Variants in ANAPC13 observed in about 807,000 individuals in gnomAD.
ANAPC13 encodes the protein anaphase-promoting complex subunit 13.
Under a neutral mutation model 9.6 loss-of-function variants are expected in ANAPC13, and 9 were observed. That is an observed-to-expected ratio of 0.94 (90% CI 0.57 to 1.64). The LOEUF is 1.64. Among genes scored for constraint, ANAPC13 ranks in the 40% most tolerant of loss-of-function variants. ANAPC13 has a pLI of 0.00. For missense variants in ANAPC13, 75 were observed against 85.3 expected, an observed-to-expected ratio of 0.88 and a Z score of 0.48; for synonymous variants, 30 against 29.7, an observed-to-expected ratio of 1.01 and a Z score of -0.03.
chr3:134,478,491 G>T lies in ANAPC13; in HGVS notation c.*99C>A. 1 of 1,442,590 alleles carries T rather than the reference G, an allele frequency of 6.9e-7. No individual in the cohort carries two copies. The highest frequency in any genetic ancestry group is 9.4e-7 in the Non-Finnish European group (1 of 1,065,514). The allele number at this position is 1,442,590 out of a possible 1,614,324, so 89.4% of individuals were successfully genotyped here. A position where few individuals can be genotyped will look rare whatever the true frequency, so the allele number is the denominator to read the frequency against. ...ACTAAATGGGTGTACATTTTTGAGT[G>T]CTGATTTATTACTCAAAGGTTTGAA... On this transcript the variant is annotated 3_prime_UTR_variant, in exon 3 of 3. Transcript: ENST00000354910.
chr3:134,485,321 T>G (rs549169940), intron 1 of ANAPC13: 1 of 152,434 alleles, frequency 6.6e-6, no homozygotes, highest in Admixed American at 6.5e-5. Flanking sequence ...CTTACTCACG[T>G]GACAGTCCCG....
At chr3:134,479,638 C>T (rs753597409) in intron 2 of ANAPC13, among the ~76,000 whole-genome samples, 16 of 152,254 alleles carry the variant, frequency 1.1e-4, no homozygotes, top group South Asian at 4.1e-4. Context: ...CGCGAGCCAC[C>T]GCGCCTGGCC....
rs1576618534 is a variant in ANAPC13 at position 134,482,686 on chromosome 3, G to A, written c.99+120C>T. 4 of 850,974 alleles carry A rather than the reference G, an allele frequency of 4.7e-6. No individual in the cohort carries two copies. In the East Asian group the frequency reaches 7.3e-5, roughly 15 times the overall value. The allele number at this position is 850,974 out of a possible 1,614,324, so 52.7% of individuals were successfully genotyped here. A position where few individuals can be genotyped will look rare whatever the true frequency, so the allele number is the denominator to read the frequency against. Reference sequence around the variant, plus strand: ...TGCTCTCCAGAAGCTTCTAGAGTTAGAGAATTCCACAGCTTTGATTTCTTT... The same window carrying A: ...TGCTCTCCAGAAGCTTCTAGAGTTAAAGAATTCCACAGCTTTGATTTCTTT... On this transcript the variant is annotated intron_variant, in intron 2 of 2. Coordinates refer to ENST00000354910, the MANE Select transcript of ANAPC13 (RefSeq NM_015391.4).
intron 1 of ANAPC13, among the ~76,000 whole-genome samples, chr3:134,484,328 C>G (rs921676130): frequency 6.6e-6 from 1 of 151,780 alleles, no homozygotes; most frequent in Non-Finnish European, 1.5e-5. Flanking sequence ...TGCAGTGAGC[C>G]GAGATAGCGC....
chr3:134,485,920 A>G (rs1479343666), intron 1 of ANAPC13, 32 bp downstream of exon 1: 17 of 948,148 alleles, frequency 1.8e-5, no homozygotes, highest in Non-Finnish European at 2.1e-5. Context: ...CGCGCCTCCA[A>G]AACCTAGGCC....
rs914476659 is a variant in ANAPC13 at position 134,479,498 on chromosome 3, C to T, written c.100-783G>A. The stretch of plus-strand genomic sequence containing the variant: ...GATTACAGGCATGCACCACCATGCC[C>T]GGCTAATTTTGTATTTTTTTATTTT... On this transcript the variant is annotated intron_variant, in intron 2 of 2. Transcript: ENST00000354910. Among the ~76,000 whole-genome samples, 9 of 151,974 alleles carry T rather than the reference C, an allele frequency of 5.9e-5. 1 individual carries two copies. Among genetic ancestry groups the T allele is most frequent in the Admixed American group, 2.0e-4 (3 of 15,254 alleles).
intron 1 of ANAPC13, chr3:134,485,188 G>C (rs952009228): frequency 9.9e-5 from 15 of 152,230 alleles, no homozygotes; most frequent in African/African-American, 3.1e-4. Flanking sequence ...CTCATAAGGG[G>C]CTGGAAGGAT....
chr3:134,479,585 G>A (rs1693385509), intron 2 of ANAPC13, among the ~76,000 whole-genome samples: 2 of 152,124 alleles, frequency 1.3e-5, no homozygotes, highest in African/African-American at 2.4e-5. Context: ...CCAACCTCAG[G>A]TGATCCACCC....
chr3:134,482,784 C>A, intron 2 of ANAPC13, 22 bp downstream of exon 2: 1 of 1,603,138 alleles, frequency 6.2e-7, no homozygotes. Context: ...TTAACCCATC[C>A]TCAGCTCAAA....
rs868534924 is a variant in ANAPC13 at position 134,480,978 on chromosome 3, G to A, written c.99+1828C>T. Among the ~76,000 whole-genome samples, 8 of 152,272 alleles carry A rather than the reference G, an allele frequency of 5.3e-5. No homozygotes were observed. The South Asian group carries it at 8.3e-4, about 16-fold the overall frequency. On this transcript the variant is annotated intron_variant, in intron 2 of 2. Coordinates refer to ENST00000354910, the MANE Select transcript of ANAPC13 (RefSeq NM_015391.4). ...TTAGCAGCAGGGCCAAGCCAACTTC[G>A]CCTGGAAGTCAGCAGGGAAACCTCC...
chr3:134,478,775 A>G, intron 2 of ANAPC13, 60 bp from the exon 3 acceptor site: 2 of 1,580,154 alleles, frequency 1.3e-6, no homozygotes, highest in Non-Finnish European at 1.7e-6. Context: ...TTGGAACTCA[A>G]GAACACTTAG....
chr3:134,485,631 T>C (rs1935050087), intron 1 of ANAPC13: 1 of 152,210 alleles, frequency 6.6e-6, no homozygotes, highest in Non-Finnish European at 1.5e-5. Flanking sequence ...AACATAATAT[T>C]TATAAAATCA....
At chr3:134,478,829 A>C in intron 2 of ANAPC13, 114 bp from the exon 3 acceptor site, 1 of 1,196,060 alleles carries the variant, frequency 8.4e-7, no homozygotes, top group South Asian at 1.4e-5. Context: ...CATAATTGAT[A>C]TGTGTATTCT....
At chr3:134,481,479 A>G (rs1418221730) in intron 2 of ANAPC13, among the ~76,000 whole-genome samples, 1 of 152,178 alleles carries the variant, frequency 6.6e-6, no homozygotes, top group Non-Finnish European at 1.5e-5. Flanking sequence ...CAGCTTAAAC[A>G]TGACATTCTC....
intron 2 of ANAPC13, among the ~76,000 whole-genome samples, chr3:134,481,106 G>A (rs1421643505): frequency 1.3e-5 from 2 of 152,068 alleles, no homozygotes; most frequent in Non-Finnish European, 2.9e-5. Flanking sequence ...CTCCTCCCTT[G>A]CCTAGACCAC....
chr3:134,482,503 G>A (rs1467020434), intron 2 of ANAPC13, among the ~76,000 whole-genome samples: 3 of 152,188 alleles, frequency 2.0e-5, no homozygotes, highest in African/African-American at 7.2e-5. Context: ...TCCCCATCTT[G>A]CGCATTAAAC....
intron 2 of ANAPC13, among the ~76,000 whole-genome samples, chr3:134,479,976 T>G (rs1011398559): frequency 6.6e-6 from 1 of 152,224 alleles, no homozygotes; most frequent in African/African-American, 2.4e-5. Flanking sequence ...TATCCAGACT[T>G]AAAATTTTCC....
rs1935130135 is a variant in ANAPC13 at position 134,485,971 on chromosome 3, C to A, written c.-47G>T. ...CCTTACCGGCACCCGGCCACCGCGGCAGACGCTTGCTCCTGCCACGCCCCC... is the reference window on the plus strand; with the variant it reads ...CCTTACCGGCACCCGGCCACCGCGGAAGACGCTTGCTCCTGCCACGCCCCC... On this transcript the variant is annotated 5_prime_UTR_variant, in exon 1 of 3. Coordinates refer to ENST00000354910, the MANE Select transcript of ANAPC13 (RefSeq NM_015391.4). The A allele has an allele frequency of 1.0e-6, 1 of 966,172 alleles. No individual in the cohort carries two copies. The highest frequency in any genetic ancestry group is 7.4e-5 in the Admixed American group (1 of 13,584). The allele number at this position is 966,172 out of a possible 1,614,324, so 59.8% of individuals were successfully genotyped here.
intron 1 of ANAPC13, 108 bp from the exon 2 acceptor site, chr3:134,483,039 G>A: frequency 1.3e-6 from 1 of 742,036 alleles, no homozygotes; most frequent in Non-Finnish European, 2.3e-6. Flanking sequence ...TTGGGAAAAG[G>A]TTCATTTTCT....
Sources: allele counts gnomAD v4.1 joint callset (sites outside exome capture counted in the v4.1 genomes callset), GRCh38; gene constraint gnomAD v4.1.1; transcripts MANE v1.5; gene names NCBI Gene and HGNC (gene_info 2026-07-23, HGNC 2026-07-21).